The following PPFIA1 variants were observed in gnomAD, a reference collection of about 807,000 sequenced individuals.
PPFIA1 encodes liprin-alpha-1.
In PPFIA1, 25 loss-of-function variants were observed where a neutral mutation model predicts 149.9. That is an observed-to-expected ratio of 0.17 (90% CI 0.12 to 0.23). The LOEUF is 0.23. Among genes scored for constraint, PPFIA1 ranks in the 10% least tolerant of loss-of-function variants. PPFIA1 has a pLI of 1.00. For synonymous variants in PPFIA1, 549 were observed against 552.8 expected, an observed-to-expected ratio of 0.99 and a Z score of 0.10; for missense variants, 1,362 against 1,506.5, an observed-to-expected ratio of 0.90 and a Z score of 1.59.
At position 70,362,307 on chromosome 11, in the gene PPFIA1, C is replaced by T. The variant is rs375004396; in HGVS notation, c.2684C>T (p.Ala895Val). Residue 895 changes from alanine to valine, a missense_variant, in exon 21 of 28, where the codon GCC (alanine) becomes GTC (valine). Ala to Val is a moderately conservative substitution (Grantham distance 64). This residue lies in a region of PPFIA1 where 8 missense variants were observed against 26.5 expected (regional missense o/e 0.30). Transcript: ENST00000253925. ...VWLELWVGMP[A>V]WYVAACRANV... Reference sequence around the variant, plus strand: ...CTCCAGCTCTGGGTTGGGATGCCAGCCTGGTATGTGGCTGCCTGCCGAGCA... The same window carrying T: ...CTCCAGCTCTGGGTTGGGATGCCAGTCTGGTATGTGGCTGCCTGCCGAGCA... The T allele has an allele frequency of 5.0e-6, 8 of 1,614,038 alleles. No individual in the cohort carries two copies. The African/African-American group carries it at 6.7e-5, about 13-fold the overall frequency.
chr11:70,347,427 G>T (rs1274146659), intron 15 of PPFIA1, among the ~76,000 whole-genome samples: 1 of 152,200 alleles, frequency 6.6e-6, no homozygotes, highest in Non-Finnish European at 1.5e-5. Flanking sequence ...AGGCCAGTGT[G>T]GTGGCTCATG....
intron 2 of PPFIA1, among the ~76,000 whole-genome samples, chr11:70,295,050 G>A (rs908450543): frequency 1.3e-5 from 2 of 152,216 alleles, no homozygotes; most frequent in Non-Finnish European, 2.9e-5. Flanking sequence ...ATCCTGGCCC[G>A]TTCTCAATGA....
chr11:70,374,926 G>T lies in PPFIA1; in HGVS notation c.3148G>T (p.Val1050Phe). 2 of 1,610,740 alleles carry T rather than the reference G, an allele frequency of 1.2e-6. No individual in the cohort carries two copies. Among genetic ancestry groups the T allele is most frequent in the South Asian group, 1.1e-5 (1 of 90,436 alleles). The change falls in exon 24 of 28, where the codon GTT (valine) becomes TTT (phenylalanine). Residue 1050 changes from valine (V) to phenylalanine (F), a missense_variant. By Grantham distance (50) the Val-to-Phe change is conservative. Coordinates refer to ENST00000253925, the MANE Select transcript of PPFIA1 (RefSeq NM_003626.5). ...ESQSEIKDVL[V>F]WSNDRVIRWI... ...TCTTTATTCTTTTGCAGACGTGCTT[G>T]TTTGGAGCAATGATCGAGTGATTCG...
intron 2 of PPFIA1, among the ~76,000 whole-genome samples, chr11:70,288,578 A>G (rs1363634874): frequency 1.3e-5 from 2 of 152,134 alleles, no homozygotes; most frequent in Non-Finnish European, 2.9e-5. Context: ...TGGAAGTTGC[A>G]AAGAGGTGAT....
In PPFIA1 at chr11:70,326,809, T is replaced by G. The variant is rs2054319501; in HGVS notation, c.921T>G (p.Asp307Glu). Reference protein sequence around the residue: ...SEEMNTKLQRDVREAMAQKED... With the variant: ...SEEMNTKLQREVREAMAQKED... ...AAATGAACACAAAATTGCAACGAGA[T>G]GTCCGTGAAGTGAGCAATAACAAAA... is the stretch of plus-strand genomic sequence containing the variant. Residue 307 changes from aspartate to glutamate, a missense_variant, in exon 7 of 28, where the codon GAT becomes GAG. Physicochemically the swap from Asp to Glu is conservative, Grantham distance 45. Transcript: ENST00000253925. 6.2e-7 allele frequency: 1 copy of G among 1,613,386 alleles called. No homozygotes were observed. Among genetic ancestry groups the G allele is most frequent in the Admixed American group, 1.7e-5 (1 of 60,020 alleles).
At chr11:70,303,385 G>T (rs879421602) in intron 2 of PPFIA1, among the ~76,000 whole-genome samples, 2 of 152,160 alleles carry the variant, frequency 1.3e-5, no homozygotes, top group Non-Finnish European at 2.9e-5. Flanking sequence ...TTGGCAGATT[G>T]TTTAATTACA....
intron 12 of PPFIA1, among the ~76,000 whole-genome samples, 154 bp downstream of exon 12, chr11:70,337,581 T>C (rs749495605): frequency 6.6e-6 from 1 of 152,216 alleles, no homozygotes; most frequent in Non-Finnish European, 1.5e-5. Flanking sequence ...GCTTGTATGT[T>C]GAATGCCTTT....
rs560978293 is a variant in PPFIA1, at chr11:70,383,231, GTTAC to G, written c.*248_*251del. 515 of 293,112 alleles carry G rather than the reference GTTAC, an allele frequency of 1.8e-3. 3 individuals carry two copies. The highest frequency in any genetic ancestry group is 0.011 in the African/African-American group (479 of 42,624). The allele number at this position is 293,112 out of a possible 1,614,324, so 18.2% of individuals were successfully genotyped here. ...AAACTTATGACTCTTCATTTATATA[GTTAC>G]TTACTTTTTCATGTATATCCAGGCT... On this transcript the variant is annotated 3_prime_UTR_variant, in exon 28 of 28. Transcript: ENST00000253925.
At chr11:70,339,445 A>G (rs1053287416) in intron 14 of PPFIA1, 139 bp downstream of exon 14, 13 of 1,095,640 alleles carry the variant, frequency 1.2e-5, no homozygotes, top group Non-Finnish European at 6.4e-6. Flanking sequence ...TCTGACTAAG[A>G]GTTTAGCTTT....
chr11:70,353,706 C>T (rs2056199024), intron 16 of PPFIA1, among the ~76,000 whole-genome samples: 1 of 152,092 alleles, frequency 6.6e-6, no homozygotes, highest in Admixed American at 6.5e-5. Flanking sequence ...CATAAAAGTG[C>T]TTGAATTTAT....
chr11:70,350,408 A>G (rs774760318), intron 16 of PPFIA1, among the ~76,000 whole-genome samples: 3 of 152,230 alleles, frequency 2.0e-5, no homozygotes, highest in Non-Finnish European at 4.4e-5. Context: ...AAATTAAAAT[A>G]TCTTATGTGA....
At position 70,377,197 on chromosome 11, in the gene PPFIA1, A is replaced by G. The variant is rs143750680; in HGVS notation, c.3384+597A>G. ...TCAAAAATGGTTTTCACATCATAAA[A>G]CATTGGTTGCAGCTTAGGAACAGAG... On this transcript the variant is annotated intron_variant, in intron 25 of 27. Transcript: ENST00000253925. Among the ~76,000 whole-genome samples the G allele has an allele frequency of 9.2e-5, 14 of 152,216 alleles. No homozygotes were observed. In the East Asian group the frequency reaches 1.9e-3, roughly 21 times the overall value.
intron 8 of PPFIA1, among the ~76,000 whole-genome samples, chr11:70,330,524 T>A (rs1200467041): frequency 1.3e-5 from 2 of 152,214 alleles, no homozygotes; most frequent in African/African-American, 4.8e-5. Context: ...TTGTCCTCAG[T>A]TTTTTCTTTT....
chr11:70,366,382 T>G (rs1351615226), intron 21 of PPFIA1, among the ~76,000 whole-genome samples: 1 of 152,236 alleles, frequency 6.6e-6, no homozygotes, highest in Non-Finnish European at 1.5e-5. Context: ...TTTTCCTCTG[T>G]GCCTTTGTGT....
chr11:70,346,035 T>C (rs1202481366), intron 15 of PPFIA1: 1 of 432,274 alleles, frequency 2.3e-6, no homozygotes, highest in East Asian at 7.1e-5. Context: ...GTCTCGTCAG[T>C]ATTTTAAAGG....
intron 15 of PPFIA1, among the ~76,000 whole-genome samples, chr11:70,346,976 A>G (rs772394090): frequency 6.6e-6 from 1 of 152,228 alleles, no homozygotes; most frequent in Non-Finnish European, 1.5e-5. Context: ...TTCCAAATTA[A>G]TGTAGCATGG....
At chr11:70,317,193 CA>C (rs1462307499) in intron 2 of PPFIA1, among the ~76,000 whole-genome samples, 1 of 151,990 alleles carries the variant, frequency 6.6e-6, no homozygotes, top group Admixed American at 6.6e-5. Context: ...TGTACACTGA[CA>C]ATTAGATTCC....
chr11:70,275,956 A>G (rs536437900), intron 2 of PPFIA1, among the ~76,000 whole-genome samples: 3 of 152,262 alleles, frequency 2.0e-5, no homozygotes, highest in African/African-American at 7.2e-5. Flanking sequence ...GGCCCTGTAG[A>G]TATTCTTTAT....
intron 2 of PPFIA1, among the ~76,000 whole-genome samples, chr11:70,303,684 T>C (rs2052646234): frequency 6.6e-6 from 1 of 152,182 alleles, no homozygotes; most frequent in Non-Finnish European, 1.5e-5. Context: ...GGTGACTGGC[T>C]ACCCCCTAGG....
Sources: gnomAD v4.1 joint callset for allele counts (sites outside exome capture counted in the v4.1 genomes callset) on GRCh38, gnomAD v4.1.1 for gene constraint, gnomAD v4.1.1 regional missense constraint, MANE v1.5 for transcripts, NCBI Gene and HGNC (gene_info 2026-07-23, HGNC 2026-07-21) for gene names.